Variants in HPS4 observed in about 807,000 individuals in gnomAD.
HPS4 encodes BLOC-3 complex member HPS4.
A neutral mutation model predicts 70.3 loss-of-function variants in HPS4; 44 were observed. That is an observed-to-expected ratio of 0.63 (90% confidence interval 0.49 to 0.80). The LOEUF (loss-of-function observed/expected upper bound fraction) is 0.80. HPS4 is among the 30% of genes least tolerant of loss of function. The pLI is 0.00. For synonymous variants in HPS4, 377 were observed against 355.9 expected (o/e 1.06, Z -0.67); for missense variants, 873 against 884.4 (o/e 0.99, Z 0.16).
intron 6 of HPS4, among the ~76,000 whole-genome samples, chr22:26,471,855 A>G (rs1478672946): frequency 1.3e-5 from 2 of 152,248 alleles, no homozygotes; most frequent in African/African-American, 4.8e-5. Flanking sequence ...CCGCAAACGG[A>G]GCGGCTCAGA....
chr22:26,473,555 C>A (rs2090128685), intron 4 of HPS4, among the ~76,000 whole-genome samples: 1 of 152,142 alleles, frequency 6.6e-6, no homozygotes, highest in African/African-American at 2.4e-5. Flanking sequence ...GAGATCGAGA[C>A]CATCCTGACC....
intron 13 of HPS4, among the ~76,000 whole-genome samples, chr22:26,455,250 AT>A (rs1421406983): frequency 2.8e-4 from 43 of 152,282 alleles, no homozygotes; most frequent in Admixed American, 1.3e-4. Context: ...CCAAAGGATT[AT>A]AAATCATGCT....
At chr22:26,469,418 A>G (rs1358101250) in intron 7 of HPS4, among the ~76,000 whole-genome samples, 1 of 152,138 alleles carries the variant, frequency 6.6e-6, no homozygotes, top group African/African-American at 2.4e-5. Flanking sequence ...ACTACACTAC[A>G]GCCTGGGCAA....
At chr22:26,447,929 T>C (rs2085009651), downstream of HPS4, among the ~76,000 whole-genome samples, 2 of 152,206 alleles carry the variant, frequency 1.3e-5, no homozygotes, top group Admixed American at 6.5e-5. Context: ...TCTTTGAGCA[T>C]GGAGAGCACT....
At chr22:26,458,117 G>T (rs1261836517) in intron 12 of HPS4, 150 bp from the exon 13 acceptor site, 1 of 756,406 alleles carries the variant, frequency 1.3e-6, no homozygotes, top group Non-Finnish European at 2.3e-6. Flanking sequence ...GGGGCATTGG[G>T]CTTCGGCTGC....
At chr22:26,443,619 TAAAAAAAAA>T (rs35059406), downstream of HPS4, 1 of 129,962 alleles carries the variant, frequency 7.7e-6, no homozygotes, top group Admixed American at 7.7e-5. Flanking sequence ...GTGGTCATCT[TAAAAAAAAA>T]AAAAAAAAAC....
At chr22:26,463,605 A>C (rs978267122) in intron 11 of HPS4, among the ~76,000 whole-genome samples, 1 of 152,246 alleles carries the variant, frequency 6.6e-6, no homozygotes, top group African/African-American at 2.4e-5. Flanking sequence ...AAGGGCCAGG[A>C]TTCCATCTCA....
At chr22:26,483,791 G>C, upstream of HPS4, 3 of 954,786 alleles carry the variant, frequency 3.1e-6, no homozygotes, top group Middle Eastern at 3.6e-4. Context: ...GAGGCCTTAG[G>C]TCACGCGCCG....
In HPS4 at chr22:26,464,243, T is replaced by C. The variant is rs778998363; in HGVS notation, c.1387A>G (p.Arg463Gly). 47 of 1,614,002 alleles carry C rather than the reference T, an allele frequency of 2.9e-5. No individual in the cohort carries two copies. In the African/African-American group the frequency reaches 5.9e-4, roughly 20 times the overall value. The change falls in exon 11 of 14, where the codon AGA becomes GGA. Residue 463 changes from arginine to glycine, a missense_variant. By Grantham distance (125) the Arg-to-Gly change is moderately radical. Coordinates refer to ENST00000398145, the MANE Select transcript of HPS4 (RefSeq NM_022081.6). Reference sequence around the variant, plus strand: ...AATAACAAGGGCCTGCGGGTCCTTCTGGGGAGAGGGTCTGCTCTGGGAATG... The same window carrying C: ...AATAACAAGGGCCTGCGGGTCCTTCCGGGGAGAGGGTCTGCTCTGGGAATG... ...APIPRADPLP[R>G]RTRRPLLLPR...
intron 7 of HPS4, among the ~76,000 whole-genome samples, 160 bp downstream of exon 7, chr22:26,470,559 C>T (rs745857352): frequency 2.2e-4 from 34 of 152,220 alleles, no homozygotes; most frequent in Non-Finnish European, 4.0e-4. Context: ...ACACACCTGT[C>T]TTTCTAAACT....
At chr22:26,468,432 T>C (rs2089131854) in intron 8 of HPS4, 119 bp downstream of exon 8, 1 of 867,002 alleles carries the variant, frequency 1.2e-6, no homozygotes, top group Non-Finnish European at 1.9e-6. Context: ...CTTGGGGTCC[T>C]GACAAGACCA....
At chr22:26,447,491 GT>G (rs1416240778), downstream of HPS4, among the ~76,000 whole-genome samples, 3 of 152,180 alleles carry the variant, frequency 2.0e-5, no homozygotes, top group Admixed American at 6.5e-5. Context: ...GTCAAGTGAG[GT>G]TTTGGTAAGA....
At chr22:26,446,022 A>G (rs554457673), downstream of HPS4, among the ~76,000 whole-genome samples, 3 of 152,312 alleles carry the variant, frequency 2.0e-5, no homozygotes, top group South Asian at 6.2e-4. Context: ...GCGGAAGGGA[A>G]GAGCGCCACT....
At chr22:26,462,740 G>A (rs2087569335) in intron 11 of HPS4, among the ~76,000 whole-genome samples, 2 of 152,178 alleles carry the variant, frequency 1.3e-5, no homozygotes, top group Admixed American at 6.5e-5. Flanking sequence ...GCAGGGAGAT[G>A]AGGCATTTAA....
intron 5 of HPS4, 93 bp from the exon 6 acceptor site, chr22:26,472,511 A>AATTTTTGT: frequency 1.1e-6 from 1 of 882,208 alleles, no homozygotes; most frequent in Non-Finnish European, 1.9e-6. Context: ...TGTTCCTCAC[A>AATTTTTGT]CAGGAAACTG....
chr22:26,458,780 C>A (rs1432096797), intron 11 of HPS4, among the ~76,000 whole-genome samples: 2 of 150,952 alleles, frequency 1.3e-5, no homozygotes. Context: ...GAGACCGCAC[C>A]ACCACACTCC....
At position 26,481,809 on chromosome 22, in the gene HPS4, G is replaced by A. The variant is rs556695127; in HGVS notation, c.-47C>T. The A allele has an allele frequency of 1.1e-5, 17 of 1,571,636 alleles. No homozygotes were observed. Among genetic ancestry groups the A allele is most frequent in the South Asian group, 4.4e-5 (4 of 90,210 alleles). ...TCTCTTCATTTAGGTTTTCTTTTCC[G>A]GTATCACTTCTTTCTCCCTAGCTGT... On this transcript the variant is annotated 5_prime_UTR_variant, in exon 2 of 14. Coordinates refer to ENST00000398145, the MANE Select transcript of HPS4 (RefSeq NM_022081.6).
At chr22:26,449,001 G>A (rs2085047442), downstream of HPS4, among the ~76,000 whole-genome samples, 1 of 152,122 alleles carries the variant, frequency 6.6e-6, no homozygotes, top group East Asian at 1.9e-4. Flanking sequence ...GTGGGTTCAG[G>A]GGTTGGGAGA....
chr22:26,476,942 C>T, intron 4 of HPS4, 51 bp downstream of exon 4: 1 of 1,597,726 alleles, frequency 6.3e-7, no homozygotes, highest in Non-Finnish European at 8.6e-7. Context: ...AACATAACTT[C>T]CTAAACTTAT....
Sources: gnomAD v4.1 joint callset for allele counts (sites outside exome capture counted in the v4.1 genomes callset) on GRCh38, gnomAD v4.1.1 for gene constraint, MANE v1.5 for transcripts, NCBI Gene and HGNC (gene_info 2026-07-23, HGNC 2026-07-21) for gene names.